Variants in GALNT16 observed in about 807,000 individuals in gnomAD.
GALNT16 encodes polypeptide N-acetylgalactosaminyltransferase 16, also known as UDP-GalNAc:polypeptide N-acetylgalactosaminyltransferase-like protein 1.
GALNT16 carries 40 observed loss-of-function variants against 76.1 expected under a neutral mutation model. The observed-to-expected ratio is 0.53, with a 90% CI of 0.41 to 0.68. The LOEUF (loss-of-function observed/expected upper bound fraction) is 0.68. Ranked by LOEUF, GALNT16 falls within the 30% of genes least tolerant of loss-of-function variation. GALNT16 has a pLI of 0.00. For missense variants in GALNT16, 621 were observed against 731.9 expected, an observed-to-expected ratio of 0.85 and a Z score of 1.75; for synonymous variants, 276 against 285.2, an observed-to-expected ratio of 0.97 and a Z score of 0.32.
At chr14:69,316,714 A>C (rs1398251578) in intron 1 of GALNT16, among the ~76,000 whole-genome samples, 2 of 135,924 alleles carry the variant, frequency 1.5e-5, no homozygotes, top group Non-Finnish European at 3.1e-5. Context: ...CAAGTTCAGC[A>C]AGGTGACACC....
intron 9 of GALNT16, among the ~76,000 whole-genome samples, chr14:69,335,909 A>G (rs1179313069): frequency 6.6e-6 from 1 of 152,172 alleles, no homozygotes; most frequent in Non-Finnish European, 1.5e-5. Context: ...AGGATCCCCA[A>G]CAAAGATGTG....
intron 1 of GALNT16, among the ~76,000 whole-genome samples, chr14:69,269,226 G>T (rs984227600): frequency 6.6e-6 from 1 of 152,116 alleles, no homozygotes; most frequent in Non-Finnish European, 1.5e-5. Flanking sequence ...AATGTTCTGT[G>T]TCTTGGAACA....
chr14:69,320,465 G>A (rs1467431409), intron 1 of GALNT16, among the ~76,000 whole-genome samples: 3 of 151,182 alleles, frequency 2.0e-5, no homozygotes, highest in Non-Finnish European at 2.9e-5. Context: ...TCCAGCCTGG[G>A]TGACAGAATA....
intron 10 of GALNT16, 57 bp downstream of exon 10, chr14:69,338,834 C>A: frequency 1.4e-6 from 2 of 1,403,866 alleles, no homozygotes; most frequent in East Asian, 2.3e-5. Flanking sequence ...GCCCAAGCCC[C>A]CAGCCTTGCC....
At chr14:69,327,314 C>T (rs181072586) in intron 5 of GALNT16, among the ~76,000 whole-genome samples, 5 of 152,182 alleles carry the variant, frequency 3.3e-5, no homozygotes, top group South Asian at 2.1e-4. Flanking sequence ...GCCAAGATTG[C>T]GCCACTGCAC....
intron 10 of GALNT16, 37 bp downstream of exon 10, chr14:69,338,814 G>T (rs2140187922): frequency 6.4e-7 from 1 of 1,551,120 alleles, no homozygotes; most frequent in Non-Finnish European, 8.8e-7. Flanking sequence ...ACTCAGAGGA[G>T]GACACCAAGG....
In GALNT16 at chr14:69,328,430, C is replaced by A; in HGVS notation, c.569-20C>A. The A allele has an allele frequency of 6.2e-7, 1 of 1,611,816 alleles. No homozygotes were observed. Among genetic ancestry groups the A allele is most frequent in the Non-Finnish European group, 8.5e-7 (1 of 1,178,758 alleles). ...AGTTGGCCCAGTCCCAGCGCCAAGC[C>A]CTATCTACTCCTCTTGTAGGGCTGA... On this transcript the variant is annotated intron_variant, in intron 5 of 14. Transcript: ENST00000448469.
Position 69,352,345 on chromosome 14 carries a change from C to A in GALNT16, c.*177C>A. 1.6e-6 allele frequency: 1 copy of A among 634,572 alleles called. No homozygotes were observed. Among genetic ancestry groups the A allele is most frequent in the Non-Finnish European group, 2.7e-6 (1 of 372,904 alleles). 39.3% of individuals were successfully genotyped at this position (634,572 alleles called of 1,614,324 possible). A position where few individuals can be genotyped will look rare whatever the true frequency, so the allele number is the denominator to read the frequency against. On this transcript the variant is annotated 3_prime_UTR_variant, in exon 15 of 15. Coordinates refer to ENST00000448469, the MANE Select transcript of GALNT16 (RefSeq NM_001168368.2). The stretch of plus-strand genomic sequence containing the variant: ...CTTGTTCTAGGAGGGCGCAGGCGGG[C>A]ACGCCCCGATGCCCTCAGTGCTGTC...
intron 1 of GALNT16, among the ~76,000 whole-genome samples, chr14:69,309,581 G>A (rs1306391129): frequency 1.3e-5 from 2 of 151,872 alleles, no homozygotes; most frequent in Non-Finnish European, 1.5e-5. Flanking sequence ...CAAAGTGCTG[G>A]GATTATGGGC....
intron 1 of GALNT16, among the ~76,000 whole-genome samples, chr14:69,266,175 G>A (rs2044340324): frequency 6.6e-6 from 1 of 152,148 alleles, no homozygotes; most frequent in African/African-American, 2.4e-5. Context: ...CTTTTCTGGG[G>A]CACCTGAATC....
chr14:69,273,019 T>A (rs758930556), intron 1 of GALNT16, among the ~76,000 whole-genome samples: 6 of 152,232 alleles, frequency 3.9e-5, no homozygotes, highest in Non-Finnish European at 8.8e-5. Context: ...AGAATCTGGC[T>A]ACGCATCCTA....
intron 1 of GALNT16, among the ~76,000 whole-genome samples, chr14:69,300,170 C>A (rs753284311): frequency 5.9e-5 from 9 of 152,220 alleles, no homozygotes; most frequent in Non-Finnish European, 1.2e-4. Flanking sequence ...ACTGGGTGAA[C>A]CCCTCTGTGT....
the GALNT16 span, among the ~76,000 whole-genome samples, chr14:69,366,944 G>T: frequency 1.3e-5 from 2 of 152,188 alleles, no homozygotes; most frequent in Non-Finnish European, 2.9e-5. Context: ...GGGGTGGAGG[G>T]ATTAGGTTAT....
chr14:69,299,247 C>T (rs2044812962), intron 1 of GALNT16, among the ~76,000 whole-genome samples: 1 of 152,230 alleles, frequency 6.6e-6, no homozygotes, highest in Admixed American at 6.5e-5. Context: ...TGAATCCACT[C>T]CAGTGAGGTT....
chr14:69,345,728 GT>G (rs1306521897), intron 12 of GALNT16, among the ~76,000 whole-genome samples: 2 of 151,808 alleles, frequency 1.3e-5, no homozygotes, highest in African/African-American at 4.8e-5. Context: ...GTGTGTGTGT[GT>G]GTGTGTGTCT....
At chr14:69,272,481 G>C (rs1361749102) in intron 1 of GALNT16, among the ~76,000 whole-genome samples, 4 of 152,170 alleles carry the variant, frequency 2.6e-5, no homozygotes, top group Admixed American at 2.6e-4. Context: ...TATGACAGTG[G>C]TCCCATCAGA....
At chr14:69,274,133 G>A (rs1347744651) in intron 1 of GALNT16, among the ~76,000 whole-genome samples, 1 of 152,190 alleles carries the variant, frequency 6.6e-6, no homozygotes, top group East Asian at 1.9e-4. Context: ...AGTAATCCGC[G>A]TTTTAGAGGG....
chr14:69,380,756 C>T, the GALNT16 span: 1 of 603,014 alleles, frequency 1.7e-6, no homozygotes, highest in Non-Finnish European at 3.0e-6. Context: ...CAAAAATGAA[C>T]TTAATGAAAA....
Position 69,260,226 on chromosome 14 carries a change from G to A in GALNT16, c.-65G>A. 1.7e-6 allele frequency: 2 copies of A among 1,209,638 alleles called. No individual in the cohort carries two copies. Among genetic ancestry groups the A allele is most frequent in the Non-Finnish European group, 1.2e-6 (1 of 860,158 alleles). 74.9% of individuals were successfully genotyped at this position (1,209,638 alleles called of 1,614,324 possible). On this transcript the variant is annotated 5_prime_UTR_variant, in exon 1 of 15. Transcript: ENST00000448469. The stretch of plus-strand genomic sequence containing the variant: ...AAAACAAACAGCTGGGGCTGCGAGC[G>A]CCCCCGCCCCGGCCCCGAGAGCACG...
Sources: allele counts gnomAD v4.1 joint callset (sites outside exome capture counted in the v4.1 genomes callset), GRCh38; gene constraint gnomAD v4.1.1; transcripts MANE v1.5; gene names NCBI Gene and HGNC (gene_info 2026-07-23, HGNC 2026-07-21).